The following DST variants were observed in gnomAD, a reference collection of about 807,000 sequenced individuals.
DST encodes the protein dystonin.
A neutral mutation model predicts 875.2 loss-of-function variants in DST; 253 were observed. The ratio of observed to expected loss-of-function variants is 0.29; its 90% CI spans 0.26 to 0.32. The LOEUF (loss-of-function observed/expected upper bound fraction) is 0.32. DST is among the 10% of genes least tolerant of loss of function. The pLI, the probability that DST is intolerant of heterozygous loss-of-function variation, is 1.00. For synonymous variants in DST, 3,124 were observed against 3,197.1 expected, an observed-to-expected ratio of 0.98 and a Z score of 0.77; for missense variants, 8,287 against 9,111.6, an observed-to-expected ratio of 0.91 and a Z score of 3.68.
At position 56,606,975 on chromosome 6, in the gene DST, C is replaced by T. The variant is rs1586451502; in HGVS notation, c.7653G>A (p.Glu2551=). The T allele has an allele frequency of 6.2e-7, 1 of 1,613,492 alleles. No individual in the cohort carries two copies. Among genetic ancestry groups the T allele is most frequent in the South Asian group, 1.1e-5 (1 of 91,074 alleles). The change falls in exon 40 of 104, where the codon GAG becomes GAA. Residue 2551 remains glutamate (E), a synonymous_variant. Transcript: ENST00000680361. Reference sequence around the variant, plus strand: ...CACAGGAATACTCTTCTATTTCAGACTCATCTTCCTTGTCTTCAGGCATCT... The same window carrying T: ...CACAGGAATACTCTTCTATTTCAGATTCATCTTCCTTGTCTTCAGGCATCT... The part of the protein sequence containing the change: ...FQQMPEDKED[E]SEIEEYSCAV...
chr6:56,532,644 G>A, intron 63 of DST, 134 bp from the exon 64 acceptor site: 2 of 842,568 alleles, frequency 2.4e-6, no homozygotes, highest in African/African-American at 3.5e-5. Flanking sequence ...GATCTGAAAA[G>A]CGAGATTTTA....
chr6:56,526,848 A>T (rs1054316995), intron 68 of DST, among the ~76,000 whole-genome samples: 6 of 152,234 alleles, frequency 3.9e-5, no homozygotes, highest in African/African-American at 1.4e-4. Flanking sequence ...AGAAGCAAAA[A>T]CAAGCAAGTT....
chr6:56,497,744 C>T lies in DST; in HGVS notation c.20094+112G>A. Reference sequence around the variant, plus strand: ...GTTCTTTATTTCACTTATTTTTACTCCTCTCCTTAAGGTATAAAAATTAAA... The same window carrying T: ...GTTCTTTATTTCACTTATTTTTACTTCTCTCCTTAAGGTATAAAAATTAAA... On this transcript the variant is annotated intron_variant, in intron 81 of 103. Transcript: ENST00000680361. 3.8e-6 allele frequency: 4 copies of T among 1,064,714 alleles called. No homozygotes were observed. The South Asian group carries it at 5.2e-5, about 14-fold the overall frequency. The allele number at this position is 1,064,714 out of a possible 1,614,324, so 66.0% of individuals were successfully genotyped here.
chr6:56,765,954 A>C (rs1335528958), intron 4 of DST, among the ~76,000 whole-genome samples: 1 of 152,202 alleles, frequency 6.6e-6, no homozygotes. Context: ...CATTGTGTTT[A>C]CTTGAACTAT....
chr6:56,566,779 T>C (rs1440568231), intron 55 of DST, among the ~76,000 whole-genome samples: 3 of 152,196 alleles, frequency 2.0e-5, no homozygotes, highest in Admixed American at 1.3e-4. Context: ...CTGCCTTACT[T>C]AAAGATTGAA....
chr6:56,819,492 A>G (rs1360532785), intron 4 of DST, among the ~76,000 whole-genome samples: 1 of 152,198 alleles, frequency 6.6e-6, no homozygotes, highest in East Asian at 1.9e-4. Flanking sequence ...TACATTGATT[A>G]GTTATAATTA....
intron 2 of DST, among the ~76,000 whole-genome samples, chr6:56,918,825 G>C (rs769871984): frequency 6.6e-6 from 1 of 152,202 alleles, no homozygotes; most frequent in African/African-American, 2.4e-5. Flanking sequence ...CCGGGCGACA[G>C]AGGTTGCAGT....
At position 56,910,369 on chromosome 6, in the gene DST, G is replaced by T. The variant is rs144102987; in HGVS notation, c.217-9748C>A. 6.1e-3 allele frequency among the ~76,000 whole-genome samples: 932 copies of T among 152,286 alleles called. 13 individuals are homozygous for T. Among genetic ancestry groups the T allele is most frequent in the African/African-American group, 0.021 (883 of 41,562 alleles). On this transcript the variant is annotated intron_variant, in intron 2 of 103. Transcript: ENST00000680361. ...AGACAAGGTCTCACATGTTGCCCAGGCTGGTCTCAAACTCCTGGCCTCAAG... is the reference window on the plus strand; with the variant it reads ...AGACAAGGTCTCACATGTTGCCCAGTCTGGTCTCAAACTCCTGGCCTCAAG...
chr6:56,735,315 A>G (rs1394741441), intron 4 of DST, 26 bp from the exon 5 acceptor site: 2 of 1,370,234 alleles, frequency 1.5e-6, no homozygotes, highest in East Asian at 2.5e-5. Flanking sequence ...ATATATAAAG[A>G]TAAGGTTGGT....
chr6:56,829,772 G>A (rs552657581), intron 4 of DST, among the ~76,000 whole-genome samples: 1 of 151,976 alleles, frequency 6.6e-6, no homozygotes, highest in Non-Finnish European at 1.5e-5. Flanking sequence ...AATAGTTGCT[G>A]GCACACAAGA....
Position 56,631,393 on chromosome 6 carries a change from T to C in DST, c.3964-4A>G. On this transcript the variant is annotated splice_polypyrimidine_tract_variant and splice_region_variant and intron_variant, in intron 29 of 103. Transcript: ENST00000680361. ...GTTCCAGCTCTTTCTTTAGTTTCTA[T>C]AAAACAGAGAACAAACAAAGGTATC... is the stretch of plus-strand genomic sequence containing the variant. 1.2e-6 allele frequency: 2 copies of C among 1,613,292 alleles called. No homozygotes were observed. Among genetic ancestry groups the C allele is most frequent in the East Asian group, 4.5e-5 (2 of 44,822 alleles).
At chr6:56,849,332 TC>T (rs1288472716) in intron 4 of DST, among the ~76,000 whole-genome samples, 4 of 152,002 alleles carry the variant, frequency 2.6e-5, no homozygotes, top group African/African-American at 4.8e-5. Flanking sequence ...AGACGGGGTT[TC>T]ACCACATTGA....
At chr6:56,504,443 T>C (rs1004560756) in intron 77 of DST, among the ~76,000 whole-genome samples, 5 of 152,122 alleles carry the variant, frequency 3.3e-5, no homozygotes, top group African/African-American at 1.2e-4. Context: ...TGTATAAATA[T>C]ACTGAAAGGA....
At chr6:56,704,127 T>C (rs2099323093) in intron 6 of DST, among the ~76,000 whole-genome samples, 153 bp downstream of exon 6, 1 of 152,212 alleles carries the variant, frequency 6.6e-6, no homozygotes, top group South Asian at 2.1e-4. Context: ...TGAAAATGCT[T>C]AGGAATCTAA....
chr6:56,669,749 C>T (rs1453428253), intron 10 of DST, among the ~76,000 whole-genome samples: 1 of 152,078 alleles, frequency 6.6e-6, no homozygotes, highest in African/African-American at 2.4e-5. Context: ...TGACTGCAAG[C>T]CAAGTATTTA....
At chr6:56,734,179 C>CT (rs775954945) in intron 5 of DST, among the ~76,000 whole-genome samples, 10 of 152,310 alleles carry the variant, frequency 6.6e-5, no homozygotes, top group Middle Eastern at 3.4e-3. Context: ...GGGTTTCAAC[C>CT]TTTTATCGCT....
chr6:56,940,798 A>G (rs1481382533), intron 2 of DST, among the ~76,000 whole-genome samples: 1 of 150,290 alleles, frequency 6.7e-6, no homozygotes, highest in Non-Finnish European at 1.5e-5. Context: ...TTGTGTTGCC[A>G]AGACTGGTCT....
At chr6:56,747,649 A>C (rs1469866272) in intron 4 of DST, among the ~76,000 whole-genome samples, 2 of 152,198 alleles carry the variant, frequency 1.3e-5, no homozygotes, top group Non-Finnish European at 2.9e-5. Context: ...GCTAACCTTA[A>C]GAAATTAGAC....
At chr6:56,678,517 T>C (rs1284222726) in intron 9 of DST, among the ~76,000 whole-genome samples, 1 of 152,144 alleles carries the variant, frequency 6.6e-6, no homozygotes, top group Admixed American at 6.5e-5. Context: ...ATAGATTAAC[T>C]AGAGAAAAAC....
Sources: gnomAD v4.1 joint callset for allele counts (sites outside exome capture counted in the v4.1 genomes callset) on GRCh38, gnomAD v4.1.1 for gene constraint, MANE v1.5 for transcripts, NCBI Gene and HGNC (gene_info 2026-07-23, HGNC 2026-07-21) for gene names.